Variants in EPRS1 observed in about 807,000 individuals in gnomAD.
EPRS1 encodes bifunctional glutamate/proline--tRNA ligase.
A neutral mutation model predicts 188.3 loss-of-function variants in EPRS1; 107 were observed. The observed-to-expected ratio is 0.57, with a 90% CI of 0.49 to 0.67. The LOEUF (loss-of-function observed/expected upper bound fraction) is 0.67. Among genes scored for constraint, EPRS1 ranks in the 30% least tolerant of loss-of-function variants. The pLI, the probability that EPRS1 is intolerant of heterozygous loss-of-function variation, is 0.00. For synonymous variants in EPRS1, 596 were observed against 593.1 expected, an observed-to-expected ratio of 1.00 and a Z score of -0.07; for missense variants, 1,577 against 1,802.2, an observed-to-expected ratio of 0.88 and a Z score of 2.26.
chr1:220,015,531 A>C (rs1661686519), intron 12 of EPRS1, among the ~76,000 whole-genome samples: 3 of 151,798 alleles, frequency 2.0e-5, no homozygotes, highest in Admixed American at 2.0e-4. Context: ...ATGGAAAGGG[A>C]AAGGGAAAGG....
rs139726063 is a variant in EPRS1 at position 220,031,923 on chromosome 1, G to A, written c.528+464C>T. On this transcript the variant is annotated intron_variant, in intron 5 of 31. Transcript: ENST00000366923. ...TTTAGCTATATAATTATAAAGATTA[G>A]GGCTTTATATAGATGAACAATTAAA... Among the ~76,000 whole-genome samples the A allele has an allele frequency of 2.8e-3, 428 of 152,194 alleles. 2 individuals are homozygous for A. The highest frequency in any genetic ancestry group is 9.8e-3 in the African/African-American group (405 of 41,490).
intron 27 of EPRS1, among the ~76,000 whole-genome samples, chr1:219,979,157 T>C (rs1046440667): frequency 6.6e-6 from 1 of 152,220 alleles, no homozygotes; most frequent in African/African-American, 2.4e-5. Flanking sequence ...GCCCAGCTCA[T>C]TTAACATACT....
intron 28 of EPRS1, 78 bp downstream of exon 28, chr1:219,978,468 T>A: frequency 9.4e-7 from 1 of 1,064,010 alleles, no homozygotes; most frequent in Non-Finnish European, 1.3e-6. Flanking sequence ...AGAAACCTCG[T>A]TTTATAAAAA....
intron 17 of EPRS1, among the ~76,000 whole-genome samples, chr1:219,999,828 T>C (rs924435153): frequency 6.6e-6 from 1 of 152,052 alleles, no homozygotes; most frequent in Non-Finnish European, 1.5e-5. Context: ...ATAAAAAAAT[T>C]AGCTGGGCAT....
intron 30 of EPRS1, among the ~76,000 whole-genome samples, chr1:219,969,676 T>A (rs1660628306): frequency 6.6e-6 from 1 of 151,316 alleles, no homozygotes; most frequent in Non-Finnish European, 1.5e-5. Context: ...ACCTTTCAAT[T>A]TTTCATTCTT....
intron 28 of EPRS1, among the ~76,000 whole-genome samples, chr1:219,975,216 A>G (rs1177704697): frequency 6.6e-6 from 1 of 152,190 alleles, no homozygotes; most frequent in African/African-American, 2.4e-5. Flanking sequence ...TCTGCACATG[A>G]GAACAGCTTT....
chr1:219,997,304 C>G lies in EPRS1; in HGVS notation c.2220G>C (p.Leu740=), dbSNP rs1661256194. ...CCTCAGATGTAGTACAATTATTATT[C>G]AGAGAAGGTGTTGGTCTTTCCTTAA... The part of the protein sequence containing the change: ...APFKERPTPS[L]NNNCTTSEDS... The change falls in exon 18 of 32, where the codon CTG becomes CTC. Residue 740 remains leucine, a synonymous_variant. Coordinates refer to ENST00000366923, the MANE Select transcript of EPRS1 (RefSeq NM_004446.3). The G allele has an allele frequency of 6.2e-7, 1 of 1,611,706 alleles. No individual in the cohort carries two copies. The highest frequency in any genetic ancestry group is 1.1e-5 in the South Asian group (1 of 90,478).
At chr1:220,035,048 G>T in intron 2 of EPRS1, 35 bp from the exon 3 acceptor site, 1 of 1,014,342 alleles carries the variant, frequency 9.9e-7, no homozygotes, top group Non-Finnish European at 1.5e-6. Flanking sequence ...TATTACTGCT[G>T]CTCTAGCAAA....
intron 9 of EPRS1, among the ~76,000 whole-genome samples, chr1:220,020,709 A>C (rs201140795): frequency 8.7e-6 from 1 of 115,246 alleles, no homozygotes; most frequent in African/African-American, 2.9e-5. Flanking sequence ...AAAAAAAAAA[A>C]CCGACAGAAG....
At chr1:220,032,121 C>CAGGA (rs1558061226) in intron 5 of EPRS1, among the ~76,000 whole-genome samples, 2 of 151,814 alleles carry the variant, frequency 1.3e-5, no homozygotes, top group Admixed American at 1.3e-4. Context: ...GTTGCCCAGG[C>CAGGA]AGGAGTGCAG....
intron 1 of EPRS1, among the ~76,000 whole-genome samples, chr1:220,040,575 G>T (rs765455086): frequency 4.6e-5 from 7 of 152,212 alleles, no homozygotes; most frequent in Non-Finnish European, 8.8e-5. Flanking sequence ...TGCCAGCCAG[G>T]CATGGTGGCT....
At chr1:219,980,006 T>C in intron 26 of EPRS1, 79 bp downstream of exon 26, 1 of 1,232,878 alleles carries the variant, frequency 8.1e-7, no homozygotes, top group Non-Finnish European at 1.1e-6. Flanking sequence ...TCTACTTCTG[T>C]GATGACAGAA....
chr1:220,026,986 T>C (rs1366774189), intron 6 of EPRS1, among the ~76,000 whole-genome samples: 1 of 152,104 alleles, frequency 6.6e-6, no homozygotes, highest in Non-Finnish European at 1.5e-5. Context: ...CCCAGATCAA[T>C]GATTCAACTT....
chr1:219,973,692 A>T (rs1368068642), intron 28 of EPRS1, among the ~76,000 whole-genome samples: 3 of 152,146 alleles, frequency 2.0e-5, no homozygotes, highest in Non-Finnish European at 4.4e-5. Flanking sequence ...AATAGCATCC[A>T]GAAAACGTAT....
At chr1:220,022,585 T>A in intron 8 of EPRS1, 67 bp from the exon 9 acceptor site, 2 of 1,237,768 alleles carry the variant, frequency 1.6e-6, no homozygotes, top group African/African-American at 1.5e-5. Context: ...CATAGTGCTA[T>A]AATTTGATAT....
intron 18 of EPRS1, among the ~76,000 whole-genome samples, chr1:219,992,870 G>T (rs1312993929): frequency 6.6e-6 from 1 of 152,072 alleles, no homozygotes; most frequent in African/African-American, 2.4e-5. Context: ...GAGGCGCCAA[G>T]ATCTCACCAT....
intron 17 of EPRS1, 36 bp from the exon 18 acceptor site, chr1:219,997,378 T>C (rs1661258131): frequency 1.6e-5 from 24 of 1,490,852 alleles, no homozygotes; most frequent in Non-Finnish European, 2.1e-5. Flanking sequence ...AAATAATTAA[T>C]TCATATTAAA....
intron 13 of EPRS1, among the ~76,000 whole-genome samples, chr1:220,010,596 G>T (rs897135970): frequency 1.3e-5 from 2 of 152,078 alleles, no homozygotes; most frequent in Non-Finnish European, 2.9e-5. Context: ...CAGATCACGA[G>T]GTCAGGAGAT....
At chr1:220,026,510 A>G (rs2647458) in intron 6 of EPRS1, among the ~76,000 whole-genome samples, 34,665 of 151,738 alleles carry the variant, frequency 0.23, 4,304 homozygotes, top group Admixed American at 0.33. Context: ...GCAGTGGTAC[A>G]GTTTTTTTTG....
Sources: gnomAD v4.1 joint callset for allele counts (sites outside exome capture counted in the v4.1 genomes callset) on GRCh38, gnomAD v4.1.1 for gene constraint, MANE v1.5 for transcripts, NCBI Gene and HGNC (gene_info 2026-07-23, HGNC 2026-07-21) for gene names.